The following RPTOR variants were observed in gnomAD, a reference collection of about 807,000 sequenced individuals.
RPTOR encodes the protein regulatory associated protein of MTOR complex 1, also known as regulatory-associated protein of mTOR.
In RPTOR, 21 loss-of-function variants were observed where a neutral mutation model predicts 169.9. The ratio of observed to expected loss-of-function variants is 0.12; its 90% CI spans 0.09 to 0.18. The LOEUF (loss-of-function observed/expected upper bound fraction) is 0.18, where lower values mean the gene tolerates loss of function less well. RPTOR is among the 10% of genes least tolerant of loss of function. The pLI, the probability that RPTOR is intolerant of heterozygous loss-of-function variation, is 1.00. For missense variants in RPTOR, 1,133 were observed against 1,855.9 expected (o/e 0.61, Z 7.16); for synonymous variants, 732 against 753.2 (o/e 0.97, Z 0.46).
chr17:80,922,098 G>A (rs978644146), intron 21 of RPTOR, among the ~76,000 whole-genome samples: 1 of 152,236 alleles, frequency 6.6e-6, no homozygotes, highest in Non-Finnish European at 1.5e-5. Flanking sequence ...GCACACGGGG[G>A]TGTAAACAGT....
chr17:80,700,715 G>GTGA (rs1567864627), intron 3 of RPTOR, among the ~76,000 whole-genome samples: 13 of 30,464 alleles, frequency 4.3e-4, no homozygotes, highest in South Asian at 1.4e-3. Flanking sequence ...GGTGATGGTG[G>GTGA]TGGTGGTGGT....
intron 1 of RPTOR, among the ~76,000 whole-genome samples, chr17:80,579,714 G>A (rs1446899420): frequency 6.6e-6 from 1 of 152,222 alleles, no homozygotes; most frequent in Non-Finnish European, 1.5e-5. Context: ...TTTCCGAGGG[G>A]TCTGGGATCC....
intron 21 of RPTOR, among the ~76,000 whole-genome samples, chr17:80,915,263 G>A (rs557362344): frequency 4.5e-4 from 58 of 129,344 alleles, no homozygotes; most frequent in African/African-American, 1.2e-3. Flanking sequence ...AACCAGCTGC[G>A]GAGAGGAGTT....
At chr17:80,700,616 G>GTGA (rs2066082741) in intron 3 of RPTOR, among the ~76,000 whole-genome samples, 1 of 149,028 alleles carries the variant, frequency 6.7e-6, no homozygotes, top group Non-Finnish European at 1.5e-5. Context: ...GATGGTGATG[G>GTGA]TGGTGGTGGT....
At chr17:80,781,400 G>A (rs1447018978) in intron 6 of RPTOR, among the ~76,000 whole-genome samples, 3 of 152,152 alleles carry the variant, frequency 2.0e-5, no homozygotes, top group Non-Finnish European at 4.4e-5. Context: ...GCCGCCCTGC[G>A]GTTCCCTTCT....
chr17:80,829,179 T>C (rs2067476337), intron 9 of RPTOR, among the ~76,000 whole-genome samples: 1 of 152,260 alleles, frequency 6.6e-6, no homozygotes, highest in Non-Finnish European at 1.5e-5. Flanking sequence ...TAAGGCATTA[T>C]TGTTCATAAA....
intron 13 of RPTOR, among the ~76,000 whole-genome samples, chr17:80,874,205 C>T (rs1183452248): frequency 2.1e-5 from 3 of 144,614 alleles, no homozygotes; most frequent in Middle Eastern, 3.7e-3. Context: ...AACTAAAGGG[C>T]TTTTTTTTTT....
At chr17:80,943,554 C>T (rs1411716131) in intron 25 of RPTOR, among the ~76,000 whole-genome samples, 2 of 151,918 alleles carry the variant, frequency 1.3e-5, no homozygotes, top group East Asian at 1.9e-4. Context: ...GCAAAGGGCG[C>T]CAACTTCTGT....
rs1401705110 is a variant in RPTOR, at chr17:80,633,497, G to A, written c.265+7704G>A. Among the ~76,000 whole-genome samples the A allele has an allele frequency of 6.6e-6, 1 of 152,212 alleles. No individual in the cohort carries two copies. The highest frequency in any genetic ancestry group is 2.4e-5 in the African/African-American group (1 of 41,438). ...CTCTTTGTTTTGTAGAATGTCTCCGGTGTCTCCTAATGATTCCGTTTAGGT... is the reference window on the plus strand; with the variant it reads ...CTCTTTGTTTTGTAGAATGTCTCCGATGTCTCCTAATGATTCCGTTTAGGT... On this transcript the variant is annotated intron_variant, in intron 2 of 33. Transcript: ENST00000306801. This position sits in a 1 kb window ranked among gnomAD's most constrained non-coding sequence, Gnocchi z 4.1.
Position 80,696,401 on chromosome 17 carries a change from T to C in RPTOR, c.349-11440T>C, listed in dbSNP as rs183545776. On this transcript the variant is annotated intron_variant, in intron 3 of 33. Coordinates refer to ENST00000306801, the MANE Select transcript of RPTOR (RefSeq NM_020761.3). The stretch of plus-strand genomic sequence containing the variant: ...AATAAAAATTTAACTCTGAGGTCCA[T>C]GTTGGGACAAAAAAAATGATACTGG... 1.2e-3 allele frequency among the ~76,000 whole-genome samples: 188 copies of C among 152,364 alleles called. 1 individual carries two copies. Among genetic ancestry groups the C allele is most frequent in the African/African-American group, 4.4e-3 (181 of 41,592 alleles).
chr17:80,840,257 C>T (rs891755416), intron 10 of RPTOR, among the ~76,000 whole-genome samples: 2 of 152,102 alleles, frequency 1.3e-5, no homozygotes, highest in African/African-American at 2.4e-5. Flanking sequence ...CCCGCTGTCA[C>T]TCAGCATTGT....
chr17:80,575,366 A>G (rs1433354023), intron 1 of RPTOR, among the ~76,000 whole-genome samples: 1 of 152,226 alleles, frequency 6.6e-6, no homozygotes, highest in African/African-American at 2.4e-5. Flanking sequence ...TTTATTATTT[A>G]AAAGTGTTGT....
At chr17:80,890,562 C>G (rs1308200332) in intron 17 of RPTOR, among the ~76,000 whole-genome samples, 1 of 151,792 alleles carries the variant, frequency 6.6e-6, no homozygotes, top group Middle Eastern at 3.2e-3. Flanking sequence ...GAGGGTGATG[C>G]CAGGGCTCCA....
intron 1 of RPTOR, among the ~76,000 whole-genome samples, chr17:80,611,344 C>T (rs1263592050): frequency 6.6e-6 from 1 of 152,100 alleles, no homozygotes; most frequent in African/African-American, 2.4e-5. Flanking sequence ...TCACCGAAAC[C>T]TCTGCTTCCT....
At chr17:80,846,644 C>A in intron 11 of RPTOR, 70 bp downstream of exon 11, 1 of 1,300,402 alleles carries the variant, frequency 7.7e-7, no homozygotes, top group South Asian at 1.2e-5. Flanking sequence ...TGTACAGCCC[C>A]GGGAGTGCCT....
chr17:80,728,231 A>G (rs928282690), intron 4 of RPTOR, among the ~76,000 whole-genome samples: 2 of 152,208 alleles, frequency 1.3e-5, no homozygotes, highest in African/African-American at 4.8e-5. Flanking sequence ...AGACACATCT[A>G]AAAAATTCTC....
Position 80,574,009 on chromosome 17 carries a change from C to T in RPTOR, c.162+28218C>T, listed in dbSNP as rs554869456. On this transcript the variant is annotated intron_variant, in intron 1 of 33. Coordinates refer to ENST00000306801, the MANE Select transcript of RPTOR (RefSeq NM_020761.3). The stretch of plus-strand genomic sequence containing the variant: ...GGCTTCATGTCAATTCTTGAGTTCC[C>T]GAGAGTTCGTGTCCAGGTTGGGAAT... 5.3e-5 allele frequency among the ~76,000 whole-genome samples: 8 copies of T among 152,246 alleles called. No homozygotes were observed. In the South Asian group the frequency reaches 1.0e-3, roughly 20 times the overall value.
chr17:80,590,112 C>T (rs534212660), intron 1 of RPTOR, among the ~76,000 whole-genome samples: 2 of 152,246 alleles, frequency 1.3e-5, no homozygotes, highest in African/African-American at 4.8e-5. Context: ...TTAGTAAATG[C>T]TTTTTTGTGC....
chr17:80,753,030 G>A (rs1363805414), intron 5 of RPTOR, among the ~76,000 whole-genome samples: 24 of 152,102 alleles, frequency 1.6e-4, no homozygotes, highest in Admixed American at 1.6e-3. Context: ...CTACTTTAAA[G>A]AGAGATTAAA....
Sources: gnomAD v4.1 joint callset for allele counts (sites outside exome capture counted in the v4.1 genomes callset) on GRCh38, gnomAD v4.1.1 for gene constraint, Gnocchi (gnomAD v3.1) non-coding constraint, MANE v1.5 for transcripts, NCBI Gene and HGNC (gene_info 2026-07-23, HGNC 2026-07-21) for gene names.